The following MAF variants were observed in gnomAD, a reference collection of about 807,000 sequenced individuals.
MAF encodes the protein transcription factor Maf.
Under a neutral mutation model 22.0 loss-of-function variants are expected in MAF, and 10 were observed. The observed-to-expected ratio is 0.45, with a 90% CI of 0.28 to 0.77. The LOEUF is 0.77. MAF is among the 30% of genes least tolerant of loss of function. MAF has a pLI of 0.12. For missense variants in MAF, 544 were observed against 548.4 expected (o/e 0.99, Z 0.08); for synonymous variants, 337 against 255.8 (o/e 1.32, Z -3.03).
At chr16:79,541,935 C>T in the MAF span, among the ~76,000 whole-genome samples, 4 of 152,236 alleles carry the variant, frequency 2.6e-5, no homozygotes, top group East Asian at 7.7e-4. Flanking sequence ...GGATTACAGA[C>T]ATGAGCCAAC....
the MAF span, among the ~76,000 whole-genome samples, chr16:79,349,951 A>G: frequency 3.3e-5 from 5 of 152,184 alleles, no homozygotes; most frequent in Admixed American, 6.5e-5. Context: ...GCACCCTTCA[A>G]AAGTCTTTGC....
chr16:79,320,950 T>A, the MAF span, among the ~76,000 whole-genome samples: 8 of 152,132 alleles, frequency 5.3e-5, no homozygotes, highest in Non-Finnish European at 1.0e-4. Flanking sequence ...GTCCAGTAAA[T>A]GAAGAAGATG....
At chr16:79,269,959 C>A in the MAF span, among the ~76,000 whole-genome samples, 1 of 152,206 alleles carries the variant, frequency 6.6e-6, no homozygotes, top group African/African-American at 2.4e-5. Flanking sequence ...CTGGTCCATT[C>A]ATCTCTCAAG....
chr16:79,562,045 G>T, the MAF span, among the ~76,000 whole-genome samples: 2 of 152,154 alleles, frequency 1.3e-5, no homozygotes, highest in Non-Finnish European at 2.9e-5. Context: ...ATTACCTCTT[G>T]TTGGTCTTCA....
the MAF span, among the ~76,000 whole-genome samples, chr16:79,273,695 C>T: frequency 6.7e-6 from 1 of 150,098 alleles, no homozygotes; most frequent in Non-Finnish European, 1.5e-5. Context: ...TTCTGCCTCC[C>T]TCCCACTGTA....
downstream of MAF, among the ~76,000 whole-genome samples, chr16:79,582,779 T>G (rs1181098514): frequency 6.6e-6 from 1 of 152,246 alleles, no homozygotes; most frequent in African/African-American, 2.4e-5. Context: ...TCGTCGAATT[T>G]GGGATAGATG....
chr16:79,425,739 T>C, the MAF span, among the ~76,000 whole-genome samples: 1 of 151,748 alleles, frequency 6.6e-6, no homozygotes, highest in African/African-American at 2.4e-5. Context: ...GCTAGCTACA[T>C]TCCTATCTAA....
At chr16:79,330,359 G>C in the MAF span, among the ~76,000 whole-genome samples, 1 of 152,188 alleles carries the variant, frequency 6.6e-6, no homozygotes, top group Non-Finnish European at 1.5e-5. Flanking sequence ...GCCAGGAAAG[G>C]CTCTTGCAAT....
chr16:79,379,163 A>G, the MAF span, among the ~76,000 whole-genome samples: 1 of 152,184 alleles, frequency 6.6e-6, no homozygotes, highest in African/African-American at 2.4e-5. Flanking sequence ...CTGGCACAAG[A>G]ATGTTCTCTT....
chr16:79,341,037 A>G, the MAF span, among the ~76,000 whole-genome samples: 1 of 152,318 alleles, frequency 6.6e-6, no homozygotes, highest in South Asian at 2.1e-4. Flanking sequence ...AGGCAGAGGG[A>G]CAAAGGGACC....
At chr16:79,531,609 G>A in the MAF span, among the ~76,000 whole-genome samples, 1 of 152,060 alleles carries the variant, frequency 6.6e-6, no homozygotes, top group African/African-American at 2.4e-5. Flanking sequence ...CATAAGGAGG[G>A]CACAACCTAG....
the MAF span, among the ~76,000 whole-genome samples, chr16:79,328,283 T>G: frequency 6.6e-6 from 1 of 151,464 alleles, no homozygotes; most frequent in South Asian, 2.1e-4. Flanking sequence ...CAGAGCTCCT[T>G]TTTTTTTAAA....
the MAF span, among the ~76,000 whole-genome samples, chr16:79,343,343 G>A: frequency 6.6e-6 from 1 of 151,960 alleles, no homozygotes; most frequent in African/African-American, 2.4e-5. Flanking sequence ...GTTAGCCTCT[G>A]ACTTGAGCAT....
chr16:79,341,997 A>G, the MAF span, among the ~76,000 whole-genome samples: 3 of 152,216 alleles, frequency 2.0e-5, no homozygotes, highest in Admixed American at 2.0e-4. Flanking sequence ...ACAACAACAA[A>G]ATTTATGATT....
chr16:79,372,615 C>A, the MAF span, among the ~76,000 whole-genome samples: 1 of 152,180 alleles, frequency 6.6e-6, no homozygotes, highest in Non-Finnish European at 1.5e-5. Flanking sequence ...CCCACTTCAA[C>A]GAGGCAGGCT....
chr16:79,598,471 A>C lies in MAF; in HGVS notation c.1118+314T>G, dbSNP rs1023988331. ...GGGGGGGTGTAAAAAAAAAAAAAAA[A>C]CAAGCTAGCAAGTTATGGAGAATTT... On this transcript the variant is annotated intron_variant, in intron 1 of 1. Transcript: ENST00000326043. The C allele has an allele frequency of 1.0e-4, 131 of 1,300,092 alleles. No individual in the cohort carries two copies. The Middle Eastern group carries it at 1.6e-3, about 15-fold the overall frequency. 80.5% of individuals were successfully genotyped at this position (1,300,092 alleles called of 1,614,324 possible). A position where few individuals can be genotyped will look rare whatever the true frequency, so the allele number is the denominator to read the frequency against.
chr16:79,482,457 G>C, the MAF span, among the ~76,000 whole-genome samples: 1 of 152,172 alleles, frequency 6.6e-6, no homozygotes, highest in Non-Finnish European at 1.5e-5. Flanking sequence ...GCTGGCTGCT[G>C]GATGCCAAGT....
At chr16:79,566,256 A>T in the MAF span, among the ~76,000 whole-genome samples, 1 of 152,210 alleles carries the variant, frequency 6.6e-6, no homozygotes, top group African/African-American at 2.4e-5. Context: ...GCATCAATAT[A>T]GGACACAGTT....
the MAF span, among the ~76,000 whole-genome samples, chr16:79,308,088 G>A: frequency 6.6e-6 from 1 of 152,200 alleles, no homozygotes. Context: ...GCCTTGGGAA[G>A]GGTCAGACTG....
Sources: gnomAD v4.1 joint callset for allele counts (sites outside exome capture counted in the v4.1 genomes callset) on GRCh38, gnomAD v4.1.1 for gene constraint, MANE v1.5 for transcripts, NCBI Gene and HGNC (gene_info 2026-07-23, HGNC 2026-07-21) for gene names.